LINGO2: variants seen among roughly 807,000 people sequenced by gnomAD.
LINGO2 encodes leucine-rich repeat and immunoglobulin-like domain-containing nogo receptor-interacting protein 2.
LINGO2 carries 14 observed loss-of-function variants against 30.6 expected under a neutral mutation model. That is an observed-to-expected ratio of 0.46 (90% CI 0.30 to 0.72). The LOEUF is 0.72. LINGO2 is among the 30% of genes least tolerant of loss of function. The pLI is 0.07. For synonymous variants in LINGO2, 317 were observed against 288.5 expected (o/e 1.10, Z -1.00); for missense variants, 729 against 751.7 (o/e 0.97, Z 0.35).
At chr9:28,663,584 G>A (rs1398172272) in intron 1 of LINGO2, among the ~76,000 whole-genome samples, 5 of 152,100 alleles carry the variant, frequency 3.3e-5, no homozygotes, top group Non-Finnish European at 5.9e-5. Flanking sequence ...ACTGGGAAAG[G>A]CCCTAAAGAA....
chr9:29,018,774 C>A, the LINGO2 span, among the ~76,000 whole-genome samples: 1 of 152,150 alleles, frequency 6.6e-6, no homozygotes. Context: ...CTCTTATGCA[C>A]TGGACTAAGG....
the LINGO2 span, among the ~76,000 whole-genome samples, chr9:28,910,813 T>A: frequency 1.3e-5 from 2 of 151,990 alleles, no homozygotes; most frequent in African/African-American, 4.8e-5. Flanking sequence ...AGTATGAGAA[T>A]GAACTAATAT....
rs1183960919 is a variant in LINGO2, at chr9:28,243,713, AAG to A, written c.-87+51493_-87+51494del. Reference sequence around the variant, plus strand: ...ACTTTAAACCAAAAAAGATTAAAAGAAGAAGAAGAAGAAGAAGGGCGTTACAT... The same window carrying A: ...ACTTTAAACCAAAAAAGATTAAAAGAAAGAAGAAGAAGAAGGGCGTTACAT... On this transcript the variant is annotated intron_variant, in intron 4 of 5. Coordinates refer to ENST00000379992, the Ensembl canonical transcript of LINGO2. Among the ~76,000 whole-genome samples the A allele has an allele frequency of 4.6e-5, 7 of 152,108 alleles. No individual in the cohort carries two copies. The East Asian group carries it at 1.2e-3, about 25-fold the overall frequency.
At chr9:28,469,398 G>T (rs887637147) in intron 2 of LINGO2, among the ~76,000 whole-genome samples, 1 of 152,112 alleles carries the variant, frequency 6.6e-6, no homozygotes, top group South Asian at 2.1e-4. Flanking sequence ...GTGATACAGA[G>T]ATTATTTGAA....
intron 4 of LINGO2, among the ~76,000 whole-genome samples, chr9:28,177,638 G>A (rs1268595924): frequency 1.3e-5 from 2 of 152,052 alleles, no homozygotes; most frequent in African/African-American, 4.8e-5. Context: ...AACAAATATT[G>A]TTATGATTGC....
At chr9:28,745,637 A>G in the LINGO2 span, among the ~76,000 whole-genome samples, 2 of 152,066 alleles carry the variant, frequency 1.3e-5, no homozygotes, top group Non-Finnish European at 2.9e-5. Context: ...AATATTGTTC[A>G]TTAAAAGATT....
intron 5 of LINGO2, among the ~76,000 whole-genome samples, chr9:28,012,153 T>C (rs887273665): frequency 1.3e-5 from 2 of 152,144 alleles, no homozygotes; most frequent in Admixed American, 6.5e-5. Context: ...AAAATTGCCT[T>C]CTCTGCTTTC....
chr9:28,074,967 T>A (rs1825581937), intron 4 of LINGO2, among the ~76,000 whole-genome samples: 1 of 150,956 alleles, frequency 6.6e-6, no homozygotes, highest in Non-Finnish European at 1.5e-5. Context: ...TATAAAATTA[T>A]ATTTTTAATG....
the LINGO2 span, among the ~76,000 whole-genome samples, chr9:28,824,905 T>C: frequency 6.6e-6 from 1 of 152,156 alleles, no homozygotes; most frequent in African/African-American, 2.4e-5. Flanking sequence ...AAACTTGATC[T>C]CCTCTTCTTT....
intron 3 of LINGO2, among the ~76,000 whole-genome samples, chr9:28,346,831 C>T (rs907615395): frequency 2.0e-5 from 3 of 151,530 alleles, no homozygotes; most frequent in Non-Finnish European, 4.4e-5. Context: ...CACATGTATG[C>T]CTTCTTAGAG....
At chr9:28,929,778 T>C in the LINGO2 span, among the ~76,000 whole-genome samples, 2 of 152,068 alleles carry the variant, frequency 1.3e-5, no homozygotes, top group Non-Finnish European at 2.9e-5. Flanking sequence ...GAAATATAAA[T>C]ACAAAATACA....
chr9:28,339,240 T>G (rs1016293277), intron 3 of LINGO2, among the ~76,000 whole-genome samples: 1 of 151,824 alleles, frequency 6.6e-6, no homozygotes, highest in East Asian at 1.9e-4. Flanking sequence ...ATGGAACTAA[T>G]ATTAATGACT....
chr9:28,997,350 C>T, the LINGO2 span, among the ~76,000 whole-genome samples: 2 of 152,182 alleles, frequency 1.3e-5, no homozygotes, highest in African/African-American at 4.8e-5. Flanking sequence ...ACAAATATTA[C>T]TTTGTGTCAA....
the LINGO2 span, among the ~76,000 whole-genome samples, chr9:28,777,248 A>G: frequency 1.2e-4 from 19 of 152,318 alleles, no homozygotes; most frequent in East Asian, 2.3e-3. Context: ...TAAATATTTG[A>G]TGAATTATAT....
the LINGO2 span, among the ~76,000 whole-genome samples, chr9:29,158,962 T>A: frequency 6.6e-6 from 1 of 152,212 alleles, no homozygotes; most frequent in Non-Finnish European, 1.5e-5. Context: ...GAAGCCTTCA[T>A]AGATTTATCC....
the LINGO2 span, among the ~76,000 whole-genome samples, chr9:29,023,103 T>C: frequency 6.6e-6 from 1 of 152,036 alleles, no homozygotes; most frequent in Non-Finnish European, 1.5e-5. Context: ...ACAGCTTGAG[T>C]GGACTCAACA....
At chr9:28,770,938 T>C in the LINGO2 span, among the ~76,000 whole-genome samples, 1 of 152,182 alleles carries the variant, frequency 6.6e-6, no homozygotes, top group East Asian at 1.9e-4. Flanking sequence ...CCTGGCTTAA[T>C]GGCAAAACTA....
intron 1 of LINGO2, among the ~76,000 whole-genome samples, chr9:28,587,178 G>A (rs1481622513): frequency 1.3e-5 from 2 of 151,968 alleles, no homozygotes; most frequent in African/African-American, 4.8e-5. Flanking sequence ...CTATGTTGGT[G>A]GGGATCAGCT....
intron 5 of LINGO2, among the ~76,000 whole-genome samples, chr9:27,953,379 G>T (rs1819410568): frequency 6.6e-6 from 1 of 152,208 alleles, no homozygotes; most frequent in East Asian, 1.9e-4. Context: ...GTAACAGTAG[G>T]AATTTAGTTA....
Sources: gnomAD v4.1 joint callset for allele counts (sites outside exome capture counted in the v4.1 genomes callset) on GRCh38, gnomAD v4.1.1 for gene constraint, MANE v1.5 for transcripts, NCBI Gene and HGNC (gene_info 2026-07-23, HGNC 2026-07-21) for gene names.